HTR2B: variants seen among roughly 807,000 people sequenced by gnomAD.
The protein encoded by HTR2B is 5-hydroxytryptamine receptor 2B.
A neutral mutation model predicts 39.8 loss-of-function variants in HTR2B; 31 were observed. The observed-to-expected ratio is 0.78, with a 90% CI of 0.58 to 1.05. The LOEUF is 1.05. HTR2B is among the 50% of genes least tolerant of loss of function. The pLI is 0.00. For missense variants in HTR2B, 562 were observed against 578.0 expected, an observed-to-expected ratio of 0.97 and a Z score of 0.28; for synonymous variants, 210 against 207.1, an observed-to-expected ratio of 1.01 and a Z score of -0.12.
chr2:231,111,831 A>C (rs1229985506), intron 3 of HTR2B, among the ~76,000 whole-genome samples: 1 of 152,232 alleles, frequency 6.6e-6, no homozygotes, highest in Non-Finnish European at 1.5e-5. Flanking sequence ...TCTTCCTTTT[A>C]ATCTTTTTTC....
In HTR2B at chr2:231,123,511, A is replaced by G. The variant is rs2125232986; in HGVS notation, c.254T>C (p.Leu85Pro). The change falls in exon 2 of 4, where the codon CTG becomes CCG. Residue 85 changes from leucine to proline, a missense_variant. Leu to Pro is a moderately conservative substitution (Grantham distance 98). Coordinates refer to ENST00000258400, the MANE Select transcript of HTR2B (RefSeq NM_000867.5). ...VILAVSLEKK[L>P]QYATNYFLMS... Reference sequence around the variant, plus strand: ...TAGAAAGTAATTAGTAGCATACTGCAGCTTCTTCTCCAGTGAAACAGCCAG... The same window carrying G: ...TAGAAAGTAATTAGTAGCATACTGCGGCTTCTTCTCCAGTGAAACAGCCAG... 3.7e-6 allele frequency: 6 copies of G among 1,614,114 alleles called. No homozygotes were observed. Among genetic ancestry groups the G allele is most frequent in the Non-Finnish European group, 5.1e-6 (6 of 1,179,942 alleles).
At position 231,110,222 on chromosome 2, in the gene HTR2B, AGGT is replaced by A. The variant is rs373085523; in HGVS notation, c.554-816_554-814del. 7.3e-4 allele frequency among the ~76,000 whole-genome samples: 111 copies of A among 152,258 alleles called. 2 individuals are homozygous for A. In the East Asian group the frequency reaches 0.02, roughly 28 times the overall value. ...GTACTCCCAGCTACTCAGGAGGCTA[AGGT>A]GGGAGAATCACTTGAACCCAGGAGG... On this transcript the variant is annotated intron_variant, in intron 3 of 3. Transcript: ENST00000258400.
At chr2:231,123,278 G>A in intron 2 of HTR2B, 135 bp downstream of exon 2, 4 of 736,380 alleles carry the variant, frequency 5.4e-6, no homozygotes, top group Non-Finnish European at 9.6e-6. Context: ...ACAAGGGACT[G>A]TTTACTTGCC....
intron 3 of HTR2B, among the ~76,000 whole-genome samples, chr2:231,110,679 A>ATC (rs1695128159): frequency 6.6e-6 from 1 of 152,202 alleles, no homozygotes; most frequent in African/African-American, 2.4e-5. Context: ...GTACACCACC[A>ATC]GAAAGAGGAT....
chr2:231,124,243 T>A (rs1242525045), intron 1 of HTR2B, 113 bp from the exon 2 acceptor site: 1 of 162,322 alleles, frequency 6.2e-6, no homozygotes, highest in East Asian at 1.7e-4. Flanking sequence ...TTTGTGACAA[T>A]GCAGCCAATT....
chr2:231,111,261 C>A (rs1293201788), intron 3 of HTR2B, among the ~76,000 whole-genome samples: 1 of 152,196 alleles, frequency 6.6e-6, no homozygotes, highest in Non-Finnish European at 1.5e-5. Flanking sequence ...AGATTATGAA[C>A]TCTAATACTT....
chr2:231,124,532 G>T (rs1202130614), intron 1 of HTR2B, among the ~76,000 whole-genome samples: 2 of 151,788 alleles, frequency 1.3e-5, no homozygotes, highest in Admixed American at 6.6e-5. Flanking sequence ...GTCTTATCAG[G>T]TTTGTGAGTA....
At chr2:231,119,370 G>A (rs1288459110) in intron 2 of HTR2B, among the ~76,000 whole-genome samples, 1 of 152,076 alleles carries the variant, frequency 6.6e-6, no homozygotes, top group African/African-American at 2.4e-5. Flanking sequence ...AAGATGCTGG[G>A]CCCTGCTTGA....
At chr2:231,118,801 A>G (rs1695433658) in intron 2 of HTR2B, among the ~76,000 whole-genome samples, 1 of 152,218 alleles carries the variant, frequency 6.6e-6, no homozygotes, top group Admixed American at 6.5e-5. Context: ...TGGAGGATGT[A>G]AAAGACTATT....
intron 2 of HTR2B, among the ~76,000 whole-genome samples, chr2:231,118,440 A>C (rs1695418435): frequency 6.6e-6 from 1 of 151,978 alleles, no homozygotes; most frequent in Admixed American, 6.6e-5. Context: ...GAGAACAGTT[A>C]ACTCTGTTTA....
intron 2 of HTR2B, among the ~76,000 whole-genome samples, chr2:231,117,910 T>C (rs777606384): frequency 3.9e-5 from 6 of 152,182 alleles, no homozygotes; most frequent in Non-Finnish European, 7.4e-5. Flanking sequence ...TACATGGGGT[T>C]ATTTAAGGTA....
Position 231,109,374 on chromosome 2 carries a change from T to C in HTR2B, c.589A>G (p.Thr197Ala). The C allele has an allele frequency of 1.9e-6, 3 of 1,614,062 alleles. No homozygotes were observed. The highest frequency in any genetic ancestry group is 2.5e-6 in the Non-Finnish European group (3 of 1,179,980). ...ATATTGTTTGGGTTGTCCACATCAG[T>C]CTCTATCCCTTTAATAGGGACTGGA... Reference protein sequence around the residue: ...AIPVPIKGIETDVDNPNNITC... With the variant: ...AIPVPIKGIEADVDNPNNITC... Residue 197 changes from threonine to alanine, a missense_variant, in exon 4 of 4, where the codon ACT becomes GCT. Thr to Ala is a moderately conservative substitution (Grantham distance 58). Transcript: ENST00000258400.
intron 2 of HTR2B, among the ~76,000 whole-genome samples, chr2:231,116,067 T>C (rs1475217311): frequency 6.6e-6 from 1 of 152,138 alleles, no homozygotes; most frequent in Non-Finnish European, 1.5e-5. Flanking sequence ...CCTCTCAGAA[T>C]AAATTAAGTC....
At chr2:231,115,305 C>T (rs10194776) in intron 2 of HTR2B, among the ~76,000 whole-genome samples, 81,072 of 151,832 alleles carry the variant, frequency 0.53, 24,446 homozygotes, top group African/African-American at 0.82. Context: ...TGAAAAATAT[C>T]TGGGCACTTG....
intron 2 of HTR2B, among the ~76,000 whole-genome samples, chr2:231,118,341 G>T (rs1695415255): frequency 6.6e-6 from 1 of 152,094 alleles, no homozygotes; most frequent in Admixed American, 6.6e-5. Flanking sequence ...AAGAGTGTTT[G>T]TCTTTCTACC....
chr2:231,113,856 G>C lies in HTR2B; in HGVS notation c.426C>G (p.Ser142=), dbSNP rs760997249. 4.3e-6 allele frequency: 7 copies of C among 1,614,034 alleles called. No homozygotes were observed. The highest frequency in any genetic ancestry group is 5.9e-6 in the Non-Finnish European group (7 of 1,180,006). Residue 142 remains serine, a synonymous_variant, in exon 3 of 4, where the codon TCC becomes TCG. Coordinates refer to ENST00000258400, the MANE Select transcript of HTR2B (RefSeq NM_000867.5). The stretch of plus-strand genomic sequence containing the variant: ...CTGAAATGGCACAGAGATGCATGAT[G>C]GATGCGGTTGAAAAGAGAACGTCAA... ...LFLDVLFSTA[S]IMHLCAISVD...
In HTR2B at chr2:231,112,723, G is replaced by A. The variant is rs77855723; in HGVS notation, c.553+1006C>T. Among the ~76,000 whole-genome samples, 915 of 152,154 alleles carry A rather than the reference G, an allele frequency of 6.0e-3. 16 individuals are homozygous for A. The highest frequency in any genetic ancestry group is 0.021 in the African/African-American group (875 of 41,498). On this transcript the variant is annotated intron_variant, in intron 3 of 3. Transcript: ENST00000258400. ...CATATAAGAGTTTTGAATGATTTAC[G>A]CATACTTCATGATAAGAAGTATAGC...
intron 2 of HTR2B, among the ~76,000 whole-genome samples, chr2:231,122,280 A>C (rs1196352275): frequency 6.6e-6 from 1 of 152,118 alleles, no homozygotes; most frequent in African/African-American, 2.4e-5. Context: ...ACCTGTTACT[A>C]TCTGATAATA....
At chr2:231,115,881 T>C (rs1400104738) in intron 2 of HTR2B, among the ~76,000 whole-genome samples, 2 of 152,158 alleles carry the variant, frequency 1.3e-5, no homozygotes, top group African/African-American at 4.8e-5. Flanking sequence ...TATCAGACTC[T>C]GCAGTTAAAT....
Sources: gnomAD v4.1 joint callset for allele counts (sites outside exome capture counted in the v4.1 genomes callset) on GRCh38, gnomAD v4.1.1 for gene constraint, MANE v1.5 for transcripts, NCBI Gene and HGNC (gene_info 2026-07-23, HGNC 2026-07-21) for gene names.